The following WWOX variants were observed in gnomAD, a reference collection of about 807,000 sequenced individuals.
WWOX encodes WW domain containing oxidoreductase, also known as WW domain-containing oxidoreductase.
Under a neutral mutation model 46.2 loss-of-function variants are expected in WWOX, and 69 were observed. The observed-to-expected ratio is 1.49, with a 90% CI of 1.23 to 1.82. The LOEUF is 1.82. Ranked by LOEUF, WWOX falls within the 40% of genes most tolerant of loss-of-function variation. The pLI is 0.00. For missense variants in WWOX, 919 were observed against 542.6 expected, an observed-to-expected ratio of 1.69 and a Z score of -6.89; for synonymous variants, 359 against 202.6, an observed-to-expected ratio of 1.77 and a Z score of -6.56.
At chr16:79,015,968 C>G (rs959204467) in intron 8 of WWOX, among the ~76,000 whole-genome samples, 2 of 152,182 alleles carry the variant, frequency 1.3e-5, no homozygotes, top group Non-Finnish European at 2.9e-5. Flanking sequence ...CCAGGATGAT[C>G]TTGATTTCTT....
At chr16:78,498,867 GTT>G (rs35821059) in intron 8 of WWOX, among the ~76,000 whole-genome samples, 1 of 151,872 alleles carries the variant, frequency 6.6e-6, no homozygotes, top group East Asian at 1.9e-4. Context: ...TTACTGGTCT[GTT>G]TTTTTTCCTT....
chr16:78,512,454 C>T (rs1282949653), intron 8 of WWOX, among the ~76,000 whole-genome samples: 1 of 152,078 alleles, frequency 6.6e-6, no homozygotes, highest in African/African-American at 2.4e-5. Flanking sequence ...TAGAATTAAA[C>T]GTGTTCACCA....
At chr16:79,006,116 G>A (rs556188047) in intron 8 of WWOX, among the ~76,000 whole-genome samples, 1 of 152,324 alleles carries the variant, frequency 6.6e-6, no homozygotes, top group East Asian at 1.9e-4. Context: ...TGGGGTGAGG[G>A]TGGCAGTGGC....
At chr16:78,402,119 A>C (rs556765201) in intron 6 of WWOX, among the ~76,000 whole-genome samples, 1 of 152,212 alleles carries the variant, frequency 6.6e-6, no homozygotes, top group Non-Finnish European at 1.5e-5. Flanking sequence ...ATCTCATAAC[A>C]ATTAGCAGTT....
At chr16:79,199,577 T>C (rs1278376672) in intron 8 of WWOX, among the ~76,000 whole-genome samples, 3 of 152,164 alleles carry the variant, frequency 2.0e-5, no homozygotes, top group Non-Finnish European at 2.9e-5. Flanking sequence ...AATGAGACTG[T>C]AGTAACTTCA....
intron 5 of WWOX, among the ~76,000 whole-genome samples, chr16:78,199,455 G>T (rs2036162875): frequency 6.6e-6 from 1 of 152,042 alleles, no homozygotes; most frequent in Non-Finnish European, 1.5e-5. Flanking sequence ...CTAACCCAAG[G>T]GTCAACTAAT....
At chr16:79,073,003 G>A (rs762277194) in intron 8 of WWOX, among the ~76,000 whole-genome samples, 1 of 152,022 alleles carries the variant, frequency 6.6e-6, no homozygotes. Context: ...GCTTCCATGT[G>A]GCTGTTCATC....
chr16:78,438,392 GCTTCCTTTTTAAAATGTTTGACAGCAC>G (rs1421250056), intron 8 of WWOX, among the ~76,000 whole-genome samples: 2 of 151,964 alleles, frequency 1.3e-5, no homozygotes, highest in Non-Finnish European at 2.9e-5. Context: ...ATGCAGTTAT[GCTTCCTTTTTAAAATGTTTGACAGCAC>G]CTTCACTGAA....
intron 8 of WWOX, among the ~76,000 whole-genome samples, chr16:79,117,826 C>G (rs988036807): frequency 6.6e-6 from 1 of 152,214 alleles, no homozygotes; most frequent in Non-Finnish European, 1.5e-5. Flanking sequence ...GCAGCTTCCT[C>G]ACCCCTCTCA....
chr16:78,624,134 A>G (rs1284316185), intron 8 of WWOX, among the ~76,000 whole-genome samples: 1 of 152,198 alleles, frequency 6.6e-6, no homozygotes, highest in East Asian at 1.9e-4. Flanking sequence ...ACAACAACTC[A>G]AGGGCAAAAG....
chr16:78,828,636 A>G (rs1463171852), intron 8 of WWOX, among the ~76,000 whole-genome samples: 1 of 152,172 alleles, frequency 6.6e-6, no homozygotes, highest in African/African-American at 2.4e-5. Flanking sequence ...GATATAATCT[A>G]TCATTATTTA....
intron 8 of WWOX, among the ~76,000 whole-genome samples, chr16:78,892,492 AC>A (rs1302899596): frequency 6.6e-6 from 1 of 152,052 alleles, no homozygotes; most frequent in African/African-American, 2.4e-5. Context: ...TGGACAGGTC[AC>A]CCCCGCTGTC....
chr16:78,553,231 G>A (rs2345445), intron 8 of WWOX: 10,888 of 152,238 alleles, frequency 0.072, 497 homozygotes, highest in East Asian at 0.11. Flanking sequence ...CATGGCACAG[G>A]TTTACCTATG....
intron 8 of WWOX, among the ~76,000 whole-genome samples, chr16:78,576,516 C>G (rs1020141254): frequency 2.0e-5 from 3 of 152,176 alleles, no homozygotes; most frequent in African/African-American, 4.8e-5. Flanking sequence ...TGAAGCTGCA[C>G]AACCATGAAA....
intron 8 of WWOX, among the ~76,000 whole-genome samples, chr16:78,877,567 T>A (rs1319665851): frequency 6.6e-6 from 1 of 152,260 alleles, no homozygotes; most frequent in Non-Finnish European, 1.5e-5. Context: ...TCCTGCTTTG[T>A]ATTCCTTGTG....
intron 8 of WWOX, among the ~76,000 whole-genome samples, chr16:79,022,505 A>G (rs1447436336): frequency 6.6e-6 from 1 of 152,174 alleles, no homozygotes; most frequent in Non-Finnish European, 1.5e-5. Context: ...GAGTCCCATT[A>G]TATTCCGAAA....
At chr16:79,184,692 G>T (rs1414726167) in intron 8 of WWOX, among the ~76,000 whole-genome samples, 2 of 152,204 alleles carry the variant, frequency 1.3e-5, no homozygotes, top group Non-Finnish European at 2.9e-5. Context: ...CTGACCCTGA[G>T]AATTTTCCAC....
intron 6 of WWOX, among the ~76,000 whole-genome samples, chr16:78,390,667 G>A (rs1478293049): frequency 6.6e-6 from 1 of 152,148 alleles, no homozygotes; most frequent in Non-Finnish European, 1.5e-5. Context: ...GTACTTGCAG[G>A]TCTTTCGATT....
At chr16:79,209,182 A>T (rs1428513249) in intron 8 of WWOX, among the ~76,000 whole-genome samples, 2 of 152,218 alleles carry the variant, frequency 1.3e-5, no homozygotes, top group Non-Finnish European at 2.9e-5. Flanking sequence ...CATTGTAGCC[A>T]AATGTAGGTT....
Sources: allele counts gnomAD v4.1 joint callset (sites outside exome capture counted in the v4.1 genomes callset), GRCh38; gene constraint gnomAD v4.1.1; transcripts MANE v1.5; gene names NCBI Gene and HGNC (gene_info 2026-07-23, HGNC 2026-07-21).